MCUB: variants seen among roughly 807,000 people sequenced by gnomAD.
The protein encoded by MCUB is mitochondrial calcium uniporter dominant negative subunit beta.
MCUB carries 46 observed loss-of-function variants against 41.4 expected under a neutral mutation model. The ratio of observed to expected loss-of-function variants is 1.11; its 90% CI spans 0.88 to 1.42. The LOEUF is 1.42. MCUB is among the 40% of genes most tolerant of loss of function. MCUB has a pLI of 0.00. For missense variants in MCUB, 403 were observed against 404.9 expected, an observed-to-expected ratio of 1.00 and a Z score of 0.04; for synonymous variants, 148 against 148.2, an observed-to-expected ratio of 1.00 and a Z score of 0.01.
At chr4:109,626,657 A>G (rs1280572770) in intron 1 of MCUB, among the ~76,000 whole-genome samples, 1 of 152,102 alleles carries the variant, frequency 6.6e-6, no homozygotes, top group Non-Finnish European at 1.5e-5. Flanking sequence ...TACTTAAAAC[A>G]CAAAAATTAG....
rs745420270 is a variant in MCUB at position 109,613,398 on chromosome 4, A to G, written c.100-45613A>G. Among the ~76,000 whole-genome samples the G allele has an allele frequency of 2.2e-4, 33 of 152,304 alleles. No individual in the cohort carries two copies. The East Asian group carries it at 3.1e-3, about 14-fold the overall frequency. ...CATGTTGTTGGCTGCAACTGTAGTC[A>G]TTACAAGGCTGTTGGAAAGCTTTCA... On this transcript the variant is annotated intron_variant, in intron 1 of 7. Transcript: ENST00000394650.
At chr4:109,575,306 TGA>T (rs1440073434) in intron 1 of MCUB, among the ~76,000 whole-genome samples, 2 of 152,208 alleles carry the variant, frequency 1.3e-5, no homozygotes, top group Non-Finnish European at 2.9e-5. Context: ...AACTATTTAG[TGA>T]GAGTAATTTT....
intron 1 of MCUB, among the ~76,000 whole-genome samples, chr4:109,597,179 A>G (rs1204891528): frequency 1.7e-4 from 26 of 151,768 alleles, no homozygotes; most frequent in Non-Finnish European, 2.4e-4. Context: ...TCTTTTCCCC[A>G]CCTTTCCCCC....
intron 1 of MCUB, among the ~76,000 whole-genome samples, chr4:109,567,653 A>G (rs1023732729): frequency 3.9e-5 from 4 of 103,238 alleles, no homozygotes; most frequent in African/African-American, 1.7e-4. Context: ...AAAACAAACA[A>G]AGTGTTTGTT....
intron 1 of MCUB, among the ~76,000 whole-genome samples, chr4:109,637,324 CT>C (rs1728617993): frequency 6.6e-6 from 1 of 152,158 alleles, no homozygotes; most frequent in Non-Finnish European, 1.5e-5. Context: ...TTGAAAGAGG[CT>C]AGTCACTCAG....
intron 1 of MCUB, among the ~76,000 whole-genome samples, chr4:109,642,462 T>A (rs931653546): frequency 5.9e-5 from 9 of 152,228 alleles, no homozygotes; most frequent in Admixed American, 4.6e-4. Flanking sequence ...TATTTAGAAG[T>A]AATTGTTTTT....
intron 4 of MCUB, among the ~76,000 whole-genome samples, chr4:109,671,848 G>A (rs1729465806): frequency 6.6e-6 from 1 of 152,050 alleles, no homozygotes; most frequent in East Asian, 1.9e-4. Context: ...AGCTGAATAG[G>A]TCTTTAGTGT....
At chr4:109,613,821 G>C (rs1050599175) in intron 1 of MCUB, among the ~76,000 whole-genome samples, 1 of 136,118 alleles carries the variant, frequency 7.3e-6, no homozygotes, top group Non-Finnish European at 1.6e-5. Context: ...GGCAGTTTGT[G>C]AGAAATAATA....
intron 5 of MCUB, chr4:109,682,946 G>A: frequency 2.1e-6 from 1 of 475,830 alleles, no homozygotes; most frequent in African/African-American, 2.0e-5. Context: ...CTAATACATG[G>A]TAGAGCCTGG....
intron 1 of MCUB, among the ~76,000 whole-genome samples, chr4:109,597,387 C>T (rs1419500823): frequency 6.0e-5 from 8 of 132,504 alleles, no homozygotes; most frequent in Middle Eastern, 4.7e-3. Context: ...CCCTCCCGGA[C>T]GGGGCGGCTG....
Position 109,671,264 on chromosome 4 carries a change from A to C in MCUB, c.451+6870A>C, listed in dbSNP as rs1364159141. ...TCAAATTACCATTTTGGCCATTAGCAATATTCTTTTGGACAGTTCTCAGCC... is the reference window on the plus strand; with the variant it reads ...TCAAATTACCATTTTGGCCATTAGCCATATTCTTTTGGACAGTTCTCAGCC... On this transcript the variant is annotated intron_variant, in intron 4 of 7. Coordinates refer to ENST00000394650, the MANE Select transcript of MCUB (RefSeq NM_017918.5). Among the ~76,000 whole-genome samples the C allele has an allele frequency of 2.6e-5, 4 of 152,180 alleles. No individual in the cohort carries two copies. In the South Asian group the frequency reaches 8.3e-4, roughly 31 times the overall value.
chr4:109,665,512 G>C (rs527304214), intron 4 of MCUB, among the ~76,000 whole-genome samples: 1 of 152,172 alleles, frequency 6.6e-6, no homozygotes, highest in African/African-American at 2.4e-5. Flanking sequence ...CAAAATTCAA[G>C]GATGCTCAAG....
chr4:109,653,245 G>A (rs947168642), intron 1 of MCUB, among the ~76,000 whole-genome samples: 9 of 152,026 alleles, frequency 5.9e-5, no homozygotes, highest in African/African-American at 2.2e-4. Flanking sequence ...CAGGCTTGGT[G>A]GCATGCACCC....
chr4:109,659,913 C>T (rs1370801503), intron 2 of MCUB, among the ~76,000 whole-genome samples: 1 of 152,176 alleles, frequency 6.6e-6, no homozygotes, highest in Non-Finnish European at 1.5e-5. Context: ...CAATCTGAGC[C>T]TCCCAAAGTG....
chr4:109,640,420 C>T (rs764568127), intron 1 of MCUB, among the ~76,000 whole-genome samples: 6 of 152,328 alleles, frequency 3.9e-5, no homozygotes, highest in East Asian at 1.9e-4. Context: ...TAGATGGCAT[C>T]GTCTTCCAAT....
At chr4:109,624,893 A>G (rs1456580772) in intron 1 of MCUB, among the ~76,000 whole-genome samples, 1 of 152,180 alleles carries the variant, frequency 6.6e-6, no homozygotes, top group East Asian at 1.9e-4. Context: ...TAATCCCAGC[A>G]TTTTGGGAGG....
chr4:109,684,998 T>C (rs963542306), intron 6 of MCUB: 2 of 396,046 alleles, frequency 5.0e-6, no homozygotes, highest in African/African-American at 4.1e-5. Flanking sequence ...TCCCTTTTCT[T>C]ATTTCTTCCT....
chr4:109,662,685 A>G (rs1193744429), intron 3 of MCUB, among the ~76,000 whole-genome samples: 2 of 152,234 alleles, frequency 1.3e-5, no homozygotes, highest in South Asian at 2.1e-4. Flanking sequence ...AAAGGATAAT[A>G]TAGTATTTCA....
Position 109,602,026 on chromosome 4 carries a change from GTC to G in MCUB, c.99+41592_99+41593del, listed in dbSNP as rs1028915564. On this transcript the variant is annotated intron_variant, in intron 1 of 7. Coordinates refer to ENST00000394650, the MANE Select transcript of MCUB (RefSeq NM_017918.5). ...CATTTGTATGTATTTTTTGAGAAAT[GTC>G]TATTCAGATCTTTTGCCCATTTTTT... Among the ~76,000 whole-genome samples, 312 of 152,288 alleles carry G rather than the reference GTC, an allele frequency of 2.0e-3. 2 individuals are homozygous for G. The highest frequency in any genetic ancestry group is 7.3e-3 in the African/African-American group (304 of 41,552).
Sources: gnomAD v4.1 joint callset for allele counts (sites outside exome capture counted in the v4.1 genomes callset) on GRCh38, gnomAD v4.1.1 for gene constraint, MANE v1.5 for transcripts, NCBI Gene and HGNC (gene_info 2026-07-23, HGNC 2026-07-21) for gene names.